The following TTC34 variants were observed in gnomAD, a reference collection of about 807,000 sequenced individuals.
TTC34 encodes tetratricopeptide repeat domain 34.
Under a neutral mutation model 40.7 loss-of-function variants are expected in TTC34, and 44 were observed. The observed-to-expected ratio is 1.08, with a 90% confidence interval of 0.85 to 1.39. The LOEUF (loss-of-function observed/expected upper bound fraction) is 1.39. Ranked by LOEUF, TTC34 falls within the 40% of genes most tolerant of loss-of-function variation. The pLI, the probability that TTC34 is intolerant of heterozygous loss-of-function variation, is 0.00. For synonymous variants in TTC34, 422 were observed against 398.6 expected (o/e 1.06, Z -0.70); for missense variants, 884 against 838.0 (o/e 1.05, Z -0.68).
intron 6 of TTC34, among the ~76,000 whole-genome samples, chr1:2,694,149 C>G (rs796686124): frequency 6.8e-4 from 25 of 36,612 alleles, no homozygotes; most frequent in Non-Finnish European, 7.4e-4. Context: ...GCACACACAC[C>G]CCCAGGCGAG....
chr1:2,781,604 T>C (rs1026638307), intron 6 of TTC34, among the ~76,000 whole-genome samples: 2 of 152,228 alleles, frequency 1.3e-5, no homozygotes, highest in African/African-American at 4.8e-5. Flanking sequence ...TTGTTCCTGA[T>C]CTTAGAGGAA....
chr1:2,698,804 C>G (rs1331914038), intron 6 of TTC34, among the ~76,000 whole-genome samples: 53 of 117,500 alleles, frequency 4.5e-4, no homozygotes, highest in East Asian at 7.3e-4. Flanking sequence ...AGCAGCACCC[C>G]ACACCCACAG....
intron 6 of TTC34, among the ~76,000 whole-genome samples, chr1:2,684,911 C>T (rs1476554545): frequency 1.5e-5 from 2 of 130,376 alleles, no homozygotes; most frequent in South Asian, 4.8e-4. Context: ...GGAACAGCAC[C>T]CTGCACACCC....
intron 6 of TTC34, among the ~76,000 whole-genome samples, chr1:2,751,326 C>G (rs1323341411): frequency 6.1e-5 from 4 of 65,056 alleles, no homozygotes; most frequent in Non-Finnish European, 1.0e-4. Flanking sequence ...AGAACAAACA[C>G]CCCCAGGCGA....
chr1:2,773,770 AC>A (rs1486637588), intron 6 of TTC34: 1 of 135,044 alleles, frequency 7.4e-6, no homozygotes, highest in Non-Finnish European at 1.6e-5. Flanking sequence ...CTGAAGCAGC[AC>A]CCACACCCCC....
chr1:2,645,976 C>T lies in TTC34; in HGVS notation c.2227-413G>A, dbSNP rs555216280. On this transcript the variant is annotated intron_variant, in intron 6 of 8. Coordinates refer to ENST00000401095, the Ensembl canonical transcript of TTC34. The surrounding 1 kb of genome is among the most constrained non-coding windows in gnomAD (Gnocchi z 4.7). ...GCATCTGTCACCTCACAGTGGGGGA[C>T]GCTGGAGCTCCTTGGGTATCCGGGT... is the stretch of plus-strand genomic sequence containing the variant. 5.9e-4 allele frequency among the ~76,000 whole-genome samples: 90 copies of T among 152,186 alleles called. No individual in the cohort carries two copies. Among genetic ancestry groups the T allele is most frequent in the African/African-American group, 2.1e-3 (87 of 41,506 alleles).
At chr1:2,787,817 C>T (rs1480235173) in intron 3 of TTC34, 111 bp from the exon 4 acceptor site, 1 of 916,744 alleles carries the variant, frequency 1.1e-6, no homozygotes, top group Non-Finnish European at 1.6e-6. Flanking sequence ...CTGGGCAGCT[C>T]CCTCCGGAGG....
intron 6 of TTC34, among the ~76,000 whole-genome samples, chr1:2,655,606 C>T (rs939426983): frequency 6.5e-3 from 946 of 146,626 alleles, no homozygotes; most frequent in Non-Finnish European, 0.01. Flanking sequence ...TGGAACAGCA[C>T]GCTGCACCCC....
chr1:2,673,819 T>C (rs1242468814), intron 6 of TTC34, among the ~76,000 whole-genome samples: 3 of 20,066 alleles, frequency 1.5e-4, no homozygotes, highest in Admixed American at 4.6e-4. Context: ...CATCGGAGAG[T>C]CTGGAGCAGC....
At chr1:2,755,781 CA>C (rs1641484752) in intron 6 of TTC34, among the ~76,000 whole-genome samples, 1 of 119,156 alleles carries the variant, frequency 8.4e-6, no homozygotes, top group Admixed American at 8.5e-5. Context: ...ACGGCACCCA[CA>C]CCCCCAGGTG....
At chr1:2,683,732 T>A (rs1477080153) in intron 6 of TTC34, among the ~76,000 whole-genome samples, 3 of 101,360 alleles carry the variant, frequency 3.0e-5, no homozygotes, top group Non-Finnish European at 5.7e-5. Context: ...GAGCAGCTGA[T>A]ATCCTGGAAC....
At chr1:2,700,034 C>A (rs1475826816) in intron 6 of TTC34, among the ~76,000 whole-genome samples, 1 of 122,448 alleles carries the variant, frequency 8.2e-6, no homozygotes, top group African/African-American at 2.7e-5. Context: ...CATCTGATAG[C>A]CTGGAGCAGC....
At chr1:2,798,032 C>T (rs999417558) in intron 2 of TTC34, among the ~76,000 whole-genome samples, 1 of 151,902 alleles carries the variant, frequency 6.6e-6, no homozygotes, top group Non-Finnish European at 1.5e-5. Context: ...ATCCAAGCCT[C>T]CCAGTCTCTC....
intron 6 of TTC34, among the ~76,000 whole-genome samples, chr1:2,773,043 G>C (rs1569843508): frequency 6.7e-6 from 1 of 148,888 alleles, no homozygotes; most frequent in Non-Finnish European, 1.5e-5. Context: ...TGACAGCCTG[G>C]AGCAGCACGC....
At chr1:2,783,240 C>T (rs1239270728) in intron 6 of TTC34, among the ~76,000 whole-genome samples, 1 of 152,208 alleles carries the variant, frequency 6.6e-6, no homozygotes, top group African/African-American at 2.4e-5. Flanking sequence ...CCTCTCAACA[C>T]CGGGGGCCAG....
At chr1:2,758,187 C>T (rs1641569299) in intron 6 of TTC34, among the ~76,000 whole-genome samples, 1 of 145,930 alleles carries the variant, frequency 6.9e-6, no homozygotes, top group Admixed American at 6.8e-5. Context: ...TGGAACAGCA[C>T]CCTGCACCCC....
intron 6 of TTC34, among the ~76,000 whole-genome samples, chr1:2,748,744 T>G (rs1283435936): frequency 4.9e-5 from 6 of 122,416 alleles, no homozygotes; most frequent in Non-Finnish European, 8.1e-5. Context: ...TCTGACAGAC[T>G]GGAACAGCAC....
intron 4 of TTC34, among the ~76,000 whole-genome samples, chr1:2,786,488 G>C (rs1643591093): frequency 6.6e-6 from 1 of 152,198 alleles, no homozygotes; most frequent in Non-Finnish European, 1.5e-5. Flanking sequence ...AGCCCGCTCT[G>C]GGCTGCAGTC....
chr1:2,694,681 C>G (rs58049217), intron 6 of TTC34, among the ~76,000 whole-genome samples: 58,612 of 72,134 alleles, frequency 0.81, 27,804 homozygotes, highest in East Asian at 1. Flanking sequence ...CGCCAGGTGA[C>G]CATTGGACAC....
Sources: gnomAD v4.1 joint callset for allele counts (sites outside exome capture counted in the v4.1 genomes callset) on GRCh38, gnomAD v4.1.1 for gene constraint, Gnocchi (gnomAD v3.1) non-coding constraint, MANE v1.5 for transcripts, NCBI Gene and HGNC (gene_info 2026-07-23, HGNC 2026-07-21) for gene names.